DYNC2I1: variants seen among roughly 807,000 people sequenced by gnomAD.
DYNC2I1 encodes the protein dynein 2 intermediate chain 1.
Under a neutral mutation model 133.4 loss-of-function variants are expected in DYNC2I1, and 89 were observed. The observed-to-expected ratio is 0.67, with a 90% confidence interval of 0.56 to 0.80. DYNC2I1 has a LOEUF of 0.80. DYNC2I1 is among the 30% of genes least tolerant of loss of function. The pLI is 0.00. For missense variants in DYNC2I1, 1,291 were observed against 1,314.5 expected, an observed-to-expected ratio of 0.98 and a Z score of 0.28; for synonymous variants, 504 against 484.3, an observed-to-expected ratio of 1.04 and a Z score of -0.54.
At chr7:158,952,161 G>C (rs953161332) in intron 4 of DYNC2I1, among the ~76,000 whole-genome samples, 2 of 152,164 alleles carry the variant, frequency 1.3e-5, no homozygotes, top group Non-Finnish European at 2.9e-5. Context: ...CGAGGAGGGC[G>C]CGGTAAACAC....
In DYNC2I1 at chr7:158,918,780, A is replaced by G; in HGVS notation, c.1832A>G (p.Glu611Gly). ...CTGGAAGAGGATCGCTTGGCAGCTG[A>G]ACCCAGCTGGAATCTTAGGGCTCAA... The part of the protein sequence containing the change: ...VLLEEDRLAA[E>G]PSWNLRAQDR... Residue 611 changes from glutamate (E) to glycine (G), a missense_variant, in exon 15 of 25, where the codon GAA becomes GGA. Glu to Gly is a moderately conservative substitution (Grantham distance 98). Coordinates refer to ENST00000407559, the MANE Select transcript of DYNC2I1 (RefSeq NM_018051.5). 6.2e-7 allele frequency: 1 copy of G among 1,613,890 alleles called. No homozygotes were observed. The highest frequency in any genetic ancestry group is 8.5e-7 in the Non-Finnish European group (1 of 1,179,866).
intron 15 of DYNC2I1, among the ~76,000 whole-genome samples, 166 bp downstream of exon 15, chr7:158,919,035 C>CT (rs1383516506): frequency 4.6e-5 from 7 of 152,180 alleles, no homozygotes; most frequent in African/African-American, 1.7e-4. Context: ...GTTTTTCCCT[C>CT]TTAAGTGTGC....
At chr7:158,901,676 C>A in intron 8 of DYNC2I1, 63 bp from the exon 9 acceptor site, 1 of 1,019,140 alleles carries the variant, frequency 9.8e-7, no homozygotes, top group Non-Finnish European at 1.5e-6. Flanking sequence ...TTTTCCCAAT[C>A]TATTTGCAAT....
intron 2 of DYNC2I1, 115 bp from the exon 3 acceptor site, chr7:158,871,027 A>G (rs1156683338): frequency 8.2e-7 from 1 of 1,220,148 alleles, no homozygotes; most frequent in Non-Finnish European, 1.1e-6. Context: ...AAGCAGTTGA[A>G]TGCAAATATG....
chr7:158,918,903 C>A (rs777886120), intron 15 of DYNC2I1, 34 bp downstream of exon 15: 1 of 1,595,654 alleles, frequency 6.3e-7, no homozygotes. Context: ...ATTTTAAATC[C>A]AGTGACTAAA....
rs369366261 is a variant in DYNC2I1 at position 158,870,275 on chromosome 7, C to G, written c.69+367C>G. ...TGTATGGGGCCCAGGCGGTTTGTGTCTTAGCGACTTTAAAACACAGCTTCA... is the reference window on the plus strand; with the variant it reads ...TGTATGGGGCCCAGGCGGTTTGTGTGTTAGCGACTTTAAAACACAGCTTCA... On this transcript the variant is annotated intron_variant, in intron 2 of 24. Coordinates refer to ENST00000407559, the MANE Select transcript of DYNC2I1 (RefSeq NM_018051.5). Among the ~76,000 whole-genome samples the G allele has an allele frequency of 1.2e-4, 19 of 152,294 alleles. 2 individuals carry two copies. The South Asian group carries it at 3.9e-3, about 32-fold the overall frequency.
chr7:158,873,186 C>A (rs1843030031), intron 3 of DYNC2I1, among the ~76,000 whole-genome samples: 1 of 151,424 alleles, frequency 6.6e-6, no homozygotes. Flanking sequence ...TACTTTTTTT[C>A]CTCCCCAAAT....
chr7:158,848,488 A>G, the DYNC2I1 span, among the ~76,000 whole-genome samples: 2 of 152,216 alleles, frequency 1.3e-5, no homozygotes, highest in African/African-American at 2.4e-5. Flanking sequence ...ATTACCAAAA[A>G]AGCAAAATGG....
chr7:158,846,538 A>T, the DYNC2I1 span, among the ~76,000 whole-genome samples: 2 of 152,170 alleles, frequency 1.3e-5, no homozygotes, highest in African/African-American at 2.4e-5. Flanking sequence ...AAAGTTAATT[A>T]AATTGGCTGT....
downstream of DYNC2I1, among the ~76,000 whole-genome samples, chr7:158,957,995 C>T (rs2129490626): frequency 7.2e-6 from 1 of 138,220 alleles, no homozygotes. Context: ...CCTGAAGTGC[C>T]TCAATTTACT....
downstream of DYNC2I1, among the ~76,000 whole-genome samples, chr7:158,948,065 C>G (rs1438208772): frequency 6.6e-6 from 1 of 152,214 alleles, no homozygotes; most frequent in Non-Finnish European, 1.5e-5. Flanking sequence ...GTGGGCCCCT[C>G]CCAGGTGCAG....
chr7:158,878,167 G>T (rs191253906), intron 4 of DYNC2I1, among the ~76,000 whole-genome samples: 22 of 149,584 alleles, frequency 1.5e-4, no homozygotes, highest in Non-Finnish European at 2.5e-4. Context: ...GGCATCATGT[G>T]GGGAGGCGAG....
chr7:158,908,246 A>G (rs1479653253), intron 11 of DYNC2I1, among the ~76,000 whole-genome samples: 1 of 152,092 alleles, frequency 6.6e-6, no homozygotes, highest in Non-Finnish European at 1.5e-5. Context: ...TACCTGCTTC[A>G]TAGTATACCC....
chr7:158,911,671 A>G lies in DYNC2I1; in HGVS notation c.1582A>G (p.Thr528Ala), dbSNP rs1002467104. The G allele has an allele frequency of 6.2e-7, 1 of 1,610,286 alleles. No homozygotes were observed. Among genetic ancestry groups the G allele is most frequent in the Non-Finnish European group, 8.5e-7 (1 of 1,178,932 alleles). Residue 528 changes from threonine to alanine, a missense_variant, in exon 12 of 25, where the codon ACC (threonine) becomes GCC (alanine). By Grantham distance (58) the Thr-to-Ala change is moderately conservative. Coordinates refer to ENST00000407559, the MANE Select transcript of DYNC2I1 (RefSeq NM_018051.5). The part of the protein sequence containing the change: ...MYIRNFGKKN[T>A]KQAYVQCNED... ...TATCAGAAACTTTGGGAAAAAAAAT[A>G]CCAAGCAGGTAAGTATGAGATGTGT...
chr7:158,881,688 C>G (rs958893581), intron 5 of DYNC2I1, among the ~76,000 whole-genome samples: 2 of 152,136 alleles, frequency 1.3e-5, no homozygotes, highest in African/African-American at 2.4e-5. Context: ...CTCCTGACCT[C>G]ATGATCCGCC....
Position 158,878,977 on chromosome 7 carries a change from G to C in DYNC2I1, c.574-707G>C, listed in dbSNP as rs112788896. 9.8e-3 allele frequency among the ~76,000 whole-genome samples: 1,409 copies of C among 143,618 alleles called. 23 individuals carry two copies. The highest frequency in any genetic ancestry group is 0.034 in the African/African-American group (1,310 of 38,342). The allele number at this position is 143,618 out of a possible 152,430, so 94.2% of individuals were successfully genotyped here. A position where few individuals can be genotyped will look rare whatever the true frequency, so the allele number is the denominator to read the frequency against. On this transcript the variant is annotated intron_variant, in intron 4 of 24. Coordinates refer to ENST00000407559, the MANE Select transcript of DYNC2I1 (RefSeq NM_018051.5). ...GCCAGGAGGACTGACTGTGAGTGCC[G>C]GGTGCCATGTGGGGAGGCCAGGAGG...
chr7:158,879,807 A>G lies in DYNC2I1; in HGVS notation c.697A>G (p.Thr233Ala). Residue 233 changes from threonine (T) to alanine (A), a missense_variant, in exon 5 of 25, where the codon ACA becomes GCA. Transcript: ENST00000407559. ...RDNKHREKSS[T>A]REKREKYSKE... Reference sequence around the variant, plus strand: ...CAACAAACACCGAGAAAAAAGCAGCACAAGGGAAAAAAGAGAGAAATATTC... The same window carrying G: ...CAACAAACACCGAGAAAAAAGCAGCGCAAGGGAAAAAAGAGAGAAATATTC... 6.2e-7 allele frequency: 1 copy of G among 1,613,214 alleles called. No homozygotes were observed. Among genetic ancestry groups the G allele is most frequent in the Non-Finnish European group, 8.5e-7 (1 of 1,179,628 alleles).
chr7:158,862,843 T>C (rs842706), intron 1 of DYNC2I1, among the ~76,000 whole-genome samples: 33,184 of 151,902 alleles, frequency 0.22, 3,777 homozygotes, highest in Middle Eastern at 0.28. Context: ...CTGGTGGGTT[T>C]GTGGTCTTGC....
intron 8 of DYNC2I1, 86 bp from the exon 9 acceptor site, chr7:158,901,653 G>A: frequency 1.2e-6 from 1 of 852,874 alleles, no homozygotes; most frequent in Admixed American, 2.9e-5. Context: ...AGGAATGTCA[G>A]AAAACATATA....
Sources: gnomAD v4.1 joint callset for allele counts (sites outside exome capture counted in the v4.1 genomes callset) on GRCh38, gnomAD v4.1.1 for gene constraint, MANE v1.5 for transcripts, NCBI Gene and HGNC (gene_info 2026-07-23, HGNC 2026-07-21) for gene names.